Variants in NLK observed in about 807,000 individuals in gnomAD.
The protein encoded by NLK is nemo like kinase.
NLK carries 11 observed loss-of-function variants against 59.0 expected under a neutral mutation model. The observed-to-expected ratio is 0.19, with a 90% CI of 0.12 to 0.31. The LOEUF (loss-of-function observed/expected upper bound fraction) is 0.31. NLK is among the 10% of genes least tolerant of loss of function. The probability of loss-of-function intolerance (pLI) is 1.00; values close to 1 mark genes in which losing one functional copy is unlikely to be tolerated. For synonymous variants in NLK, 235 were observed against 235.9 expected, an observed-to-expected ratio of 1.00 and a Z score of 0.03; for missense variants, 410 against 661.1, an observed-to-expected ratio of 0.62 and a Z score of 4.16.
At chr17:28,168,196 C>T (rs1008411255) in intron 5 of NLK, among the ~76,000 whole-genome samples, 1 of 151,010 alleles carries the variant, frequency 6.6e-6, no homozygotes, top group Non-Finnish European at 1.5e-5. Context: ...ATTAGCCAGG[C>T]GTGGTGGTAG....
intron 1 of NLK, among the ~76,000 whole-genome samples, chr17:28,100,893 A>C (rs1163750730): frequency 6.6e-6 from 1 of 152,136 alleles, no homozygotes; most frequent in African/African-American, 2.4e-5. Flanking sequence ...GGTGGGGTAA[A>C]AGAGGGTAGA....
At chr17:28,182,635 G>A (rs1020588598) in intron 7 of NLK, among the ~76,000 whole-genome samples, 5 of 152,200 alleles carry the variant, frequency 3.3e-5, no homozygotes, top group Admixed American at 6.5e-5. Flanking sequence ...TGCCTTGAAA[G>A]TAATGTAGTG....
At chr17:28,111,353 AT>A (rs957028971) in intron 1 of NLK, among the ~76,000 whole-genome samples, 604 of 142,890 alleles carry the variant, frequency 4.2e-3, no homozygotes, top group Non-Finnish European at 4.5e-3. Context: ...TGCCTGGCTA[AT>A]TTTTTTTTTT....
At chr17:28,160,757 T>C (rs779441215) in intron 3 of NLK, among the ~76,000 whole-genome samples, 8 of 152,234 alleles carry the variant, frequency 5.3e-5, no homozygotes, top group South Asian at 4.1e-4. Context: ...ATCTTTTCCA[T>C]TGGTGTCATG....
intron 1 of NLK, among the ~76,000 whole-genome samples, chr17:28,099,262 T>G (rs1904815128): frequency 6.6e-6 from 1 of 152,164 alleles, no homozygotes; most frequent in Non-Finnish European, 1.5e-5. Context: ...TGTTCCTTTT[T>G]TAAAATTAAG....
intron 1 of NLK, among the ~76,000 whole-genome samples, chr17:28,107,172 G>A (rs545110585): frequency 4.4e-4 from 67 of 152,122 alleles, no homozygotes; most frequent in African/African-American, 1.5e-3. Flanking sequence ...AGTGGCTCAC[G>A]CCTGTAATCC....
At chr17:28,089,946 C>T (rs1202442648) in intron 1 of NLK, among the ~76,000 whole-genome samples, 1 of 152,042 alleles carries the variant, frequency 6.6e-6, no homozygotes, top group Non-Finnish European at 1.5e-5. Flanking sequence ...AATCCTTTAT[C>T]AGCAACATCA....
Position 28,192,195 on chromosome 17 carries a change from C to A in NLK, c.1511C>A (p.Ala504Asp). 1 of 1,587,508 alleles carries A rather than the reference C, an allele frequency of 6.3e-7. No homozygotes were observed. The highest frequency in any genetic ancestry group is 8.6e-7 in the Non-Finnish European group (1 of 1,158,026). The change falls in exon 10 of 11, where the codon GCT becomes GAT. Residue 504 changes from alanine (A) to aspartate (D), a missense_variant. Ala to Asp is a moderately radical substitution (Grantham distance 126). This residue lies in a region of NLK where 25 missense variants were observed against 29.7 expected (regional missense o/e 0.84). Coordinates refer to ENST00000407008, the MANE Select transcript of NLK (RefSeq NM_016231.5). ...VPLCINPQSA[A>D]FKSFISSTVA... The stretch of plus-strand genomic sequence containing the variant: ...CTCTGCATCAACCCTCAGTCTGCTG[C>A]TTTTAAGAGCTTTATTAGGTAACTA...
At chr17:28,072,215 A>G (rs1017974267) in intron 1 of NLK, among the ~76,000 whole-genome samples, 1 of 152,058 alleles carries the variant, frequency 6.6e-6, no homozygotes, top group African/African-American at 2.4e-5. Flanking sequence ...TGTCTCTGAT[A>G]TACAGCATAC....
At chr17:28,173,691 A>G (rs538377589) in intron 7 of NLK, among the ~76,000 whole-genome samples, 1 of 152,360 alleles carries the variant, frequency 6.6e-6, no homozygotes, top group South Asian at 2.1e-4. Flanking sequence ...CACCTTGAGA[A>G]GAGCACAGTA....
rs568208778 is a variant in NLK at position 28,160,874 on chromosome 17, G to A, written c.645-286G>A. Among the ~76,000 whole-genome samples the A allele has an allele frequency of 9.2e-5, 14 of 152,142 alleles. No individual in the cohort carries two copies. The South Asian group carries it at 1.2e-3, about 14-fold the overall frequency. ...CTGTTTGGTCGTCATACTTTTCCTG[G>A]CCTGGCTGTTATTTAAAATGTTTAC... On this transcript the variant is annotated intron_variant, in intron 3 of 10. Coordinates refer to ENST00000407008, the MANE Select transcript of NLK (RefSeq NM_016231.5).
intron 7 of NLK, among the ~76,000 whole-genome samples, chr17:28,175,273 G>C (rs1188107422): frequency 6.6e-6 from 1 of 150,714 alleles, no homozygotes; most frequent in East Asian, 2.0e-4. Context: ...GTGAAACCCC[G>C]TCTCTACTAA....
At chr17:28,204,368 G>A in the NLK span, among the ~76,000 whole-genome samples, 6 of 152,178 alleles carry the variant, frequency 3.9e-5, no homozygotes, top group Non-Finnish European at 1.5e-5. Context: ...TAACCTGCAT[G>A]GTGTATGATG....
intron 1 of NLK, among the ~76,000 whole-genome samples, chr17:28,119,927 G>A (rs1452789694): frequency 1.3e-5 from 2 of 152,142 alleles, no homozygotes; most frequent in Non-Finnish European, 2.9e-5. Context: ...CAAATTAAGG[G>A]CTAGTCTTCA....
chr17:28,186,300 A>G (rs925905208), intron 8 of NLK, among the ~76,000 whole-genome samples: 9 of 152,064 alleles, frequency 5.9e-5, no homozygotes, highest in Admixed American at 5.9e-4. Flanking sequence ...TAATTCTGTT[A>G]AGGAGTTCAG....
At chr17:28,086,635 AT>A (rs1003301481) in intron 1 of NLK, among the ~76,000 whole-genome samples, 3 of 151,740 alleles carry the variant, frequency 2.0e-5, no homozygotes, top group Non-Finnish European at 2.9e-5. Context: ...ATATTTTTAA[AT>A]TTTTTTTCAA....
Position 28,043,343 on chromosome 17 carries a change from A to G in NLK, c.458+12A>G. ...TTTGGTGTTGTCTGGTGAGTATCCA[A>G]AGAAAAACACAACCTCTCATGGTTT... On this transcript the variant is annotated intron_variant, in intron 1 of 10. Coordinates refer to ENST00000407008, the MANE Select transcript of NLK (RefSeq NM_016231.5). 3 of 1,521,784 alleles carry G rather than the reference A, an allele frequency of 2.0e-6. No homozygotes were observed. Among genetic ancestry groups the G allele is most frequent in the Non-Finnish European group, 2.6e-6 (3 of 1,133,858 alleles). 94.3% of individuals were successfully genotyped at this position (1,521,784 alleles called of 1,614,324 possible).
At chr17:28,161,509 G>T (rs1343974416) in intron 4 of NLK, among the ~76,000 whole-genome samples, 1 of 152,244 alleles carries the variant, frequency 6.6e-6, no homozygotes, top group Non-Finnish European at 1.5e-5. Context: ...AGGCAGTTGA[G>T]TGGGCTAATC....
intron 7 of NLK, among the ~76,000 whole-genome samples, chr17:28,184,361 G>T (rs1352112543): frequency 1.3e-5 from 2 of 152,068 alleles, no homozygotes; most frequent in African/African-American, 4.8e-5. Context: ...CCCACCCCTA[G>T]GCATGTTTGA....
Sources: gnomAD v4.1 joint callset for allele counts (sites outside exome capture counted in the v4.1 genomes callset) on GRCh38, gnomAD v4.1.1 for gene constraint, gnomAD v4.1.1 regional missense constraint, MANE v1.5 for transcripts, NCBI Gene and HGNC (gene_info 2026-07-23, HGNC 2026-07-21) for gene names.